The following RBM17 variants were observed in gnomAD, a reference collection of about 807,000 sequenced individuals.
RBM17 encodes the protein splicing factor 45.
In RBM17, 7 loss-of-function variants were observed where a neutral mutation model predicts 53.2. That is an observed-to-expected ratio of 0.13 (90% CI 0.07 to 0.25). RBM17 has a LOEUF of 0.25. Ranked by LOEUF, RBM17 falls within the 10% of genes least tolerant of loss-of-function variation. The pLI, the probability that RBM17 is intolerant of heterozygous loss-of-function variation, is 1.00. For missense variants in RBM17, 257 were observed against 496.7 expected, an observed-to-expected ratio of 0.52 and a Z score of 4.59; for synonymous variants, 167 against 178.1, an observed-to-expected ratio of 0.94 and a Z score of 0.50.
At chr10:6,113,446 TAA>T in intron 8 of RBM17, 60 bp from the exon 9 acceptor site, 1 of 1,118,342 alleles carries the variant, frequency 8.9e-7, no homozygotes, top group Non-Finnish European at 1.4e-6. Context: ...CTCAGTTCTG[TAA>T]CACATCTAAT....
In RBM17 at chr10:6,115,502, A is replaced by C; in HGVS notation, c.1152A>C (p.Ala384=). 6.2e-7 allele frequency: 1 copy of C among 1,614,090 alleles called. No homozygotes were observed. Among genetic ancestry groups the C allele is most frequent in the African/African-American group, 1.3e-5 (1 of 75,044 alleles). Residue 384 remains alanine (A), a synonymous_variant, in exon 12 of 12, where the codon GCA becomes GCC. Transcript: ENST00000379888. ...GRYFGGRVVK[A]CFYNLDKFRV... is the part of the protein sequence containing the mutation. Reference sequence around the variant, plus strand: ...ATTTTGGTGGACGGGTGGTAAAAGCATGTTTCTACAATTTGGACAAATTCA... The same window carrying C: ...ATTTTGGTGGACGGGTGGTAAAAGCCTGTTTCTACAATTTGGACAAATTCA...
chr10:6,112,145 A>T lies in RBM17; in HGVS notation c.705-65A>T. The T allele has an allele frequency of 6.4e-7, 1 of 1,560,272 alleles. No homozygotes were observed. Among genetic ancestry groups the T allele is most frequent in the Non-Finnish European group, 8.7e-7 (1 of 1,153,098 alleles). The stretch of plus-strand genomic sequence containing the variant: ...CCAGAAGGAGGTTGTTGTGATGGAA[A>T]AATGCAACCTATCTCCAGTTGACGA... On this transcript the variant is annotated intron_variant, in intron 7 of 11. Coordinates refer to ENST00000379888, the MANE Select transcript of RBM17 (RefSeq NM_032905.5). The surrounding 1 kb of genome is among the most constrained non-coding windows in gnomAD (Gnocchi z 4.4).
intron 5 of RBM17, among the ~76,000 whole-genome samples, chr10:6,107,866 T>G (rs973579347): frequency 6.6e-6 from 1 of 152,196 alleles, no homozygotes; most frequent in South Asian, 2.1e-4. Flanking sequence ...TTGTTTTTAT[T>G]TCATTGTTGA....
At chr10:6,107,059 T>C (rs1025390195) in intron 5 of RBM17, among the ~76,000 whole-genome samples, 2 of 152,222 alleles carry the variant, frequency 1.3e-5, no homozygotes, top group Non-Finnish European at 2.9e-5. Context: ...TCAAAGGAAA[T>C]AGAAGAAGGT....
Position 6,112,448 on chromosome 10 carries a change from G to A in RBM17, c.856+87G>A, listed in dbSNP as rs1473257869. ...GGCCAGTCTTGATCCTCATGTGTCA[G>A]CAGGGGGACAATGAGGCGTGTGGCC... is the stretch of plus-strand genomic sequence containing the variant. On this transcript the variant is annotated intron_variant, in intron 8 of 11. Coordinates refer to ENST00000379888, the MANE Select transcript of RBM17 (RefSeq NM_032905.5). This position sits in a 1 kb window ranked among gnomAD's most constrained non-coding sequence, Gnocchi z 4.4. The A allele has an allele frequency of 4.7e-6, 7 of 1,500,500 alleles. No individual in the cohort carries two copies. Among genetic ancestry groups the A allele is most frequent in the Non-Finnish European group, 5.5e-6 (6 of 1,089,286 alleles). The allele number at this position is 1,500,500 out of a possible 1,614,324, so 92.9% of individuals were successfully genotyped here.
Position 6,101,323 on chromosome 10 carries a change from G to C in RBM17, c.176G>C (p.Arg59Pro). 1 of 1,613,758 alleles carries C rather than the reference G, an allele frequency of 6.2e-7. No homozygotes were observed. Among genetic ancestry groups the C allele is most frequent in the Non-Finnish European group, 8.5e-7 (1 of 1,179,972 alleles). The change falls in exon 3 of 12, where the codon CGA becomes CCA. Residue 59 changes from arginine to proline, a missense_variant. Physicochemically the swap from Arg to Pro is moderately radical, Grantham distance 103. Coordinates refer to ENST00000379888, the MANE Select transcript of RBM17 (RefSeq NM_032905.5). Reference sequence around the variant, plus strand: ...CTCGCCCCAGTCATTGACCTGAAGCGAGGTGGCTCCTCAGATGACCGGCAA... The same window carrying C: ...CTCGCCCCAGTCATTGACCTGAAGCCAGGTGGCTCCTCAGATGACCGGCAA... ...TVLAPVIDLK[R>P]GGSSDDRQIV...
At chr10:6,103,440 A>G (rs964740553) in intron 3 of RBM17, among the ~76,000 whole-genome samples, 1 of 152,230 alleles carries the variant, frequency 6.6e-6, no homozygotes, top group Non-Finnish European at 1.5e-5. Flanking sequence ...GAACCTTCAT[A>G]TTGACAGTTT....
intron 1 of RBM17, among the ~76,000 whole-genome samples, chr10:6,096,440 G>A (rs370316080): frequency 6.6e-6 from 1 of 152,282 alleles, no homozygotes; most frequent in East Asian, 1.9e-4. Flanking sequence ...TCGTTCACAT[G>A]CAGATTGTTG....
At position 6,112,479 on chromosome 10, in the gene RBM17, G is replaced by T. The variant is rs1309454810; in HGVS notation, c.856+118G>T. 1.6e-6 allele frequency: 2 copies of T among 1,237,378 alleles called. No individual in the cohort carries two copies. Among genetic ancestry groups the T allele is most frequent in the Non-Finnish European group, 2.3e-6 (2 of 860,778 alleles). The allele number at this position is 1,237,378 out of a possible 1,614,324, so 76.6% of individuals were successfully genotyped here. On this transcript the variant is annotated intron_variant, in intron 8 of 11. Transcript: ENST00000379888. The surrounding 1 kb of genome is among the most constrained non-coding windows in gnomAD (Gnocchi z 4.4). ...GGACAATGAGGCGTGTGGCCAGAGG[G>T]AGAGGGCTGGCCCTGCCATCACTAG... is the stretch of plus-strand genomic sequence containing the variant.
intron 1 of RBM17, among the ~76,000 whole-genome samples, chr10:6,092,550 T>A (rs1377827701): frequency 1.3e-5 from 2 of 152,152 alleles, no homozygotes; most frequent in African/African-American, 4.8e-5. Flanking sequence ...TATGGTTGAG[T>A]GTGGTTTCTT....
intron 11 of RBM17, 66 bp from the exon 12 acceptor site, chr10:6,115,387 T>TTTAA: frequency 6.5e-7 from 1 of 1,536,188 alleles, no homozygotes; most frequent in Non-Finnish European, 9.0e-7. Context: ...AAAGTTACTG[T>TTTAA]TTAATTAAAG....
intron 3 of RBM17, among the ~76,000 whole-genome samples, chr10:6,104,266 G>A (rs1840713186): frequency 6.6e-6 from 1 of 152,142 alleles, no homozygotes; most frequent in African/African-American, 2.4e-5. Context: ...TCAAAGAGTA[G>A]ACCAAGTTTC....
intron 3 of RBM17, among the ~76,000 whole-genome samples, chr10:6,102,917 A>C (rs893212768): frequency 2.0e-5 from 3 of 152,100 alleles, no homozygotes; most frequent in African/African-American, 7.2e-5. Flanking sequence ...CTTCCACCTC[A>C]GTCTACTGAG....
intron 3 of RBM17, among the ~76,000 whole-genome samples, chr10:6,103,953 T>C (rs544824282): frequency 9.8e-5 from 15 of 152,324 alleles, no homozygotes; most frequent in Admixed American, 4.6e-4. Flanking sequence ...CCTTGTTGTT[T>C]TGCATGTGTG....
chr10:6,111,339 A>G (rs1379745638), intron 7 of RBM17, among the ~76,000 whole-genome samples: 8 of 152,122 alleles, frequency 5.3e-5, no homozygotes, highest in Non-Finnish European at 1.0e-4. Flanking sequence ...CAGCTGTACA[A>G]ATAATTTATT....
In RBM17 at chr10:6,100,591, GA is replaced by G. The variant is rs201359944; in HGVS notation, c.124-679del. 6.5e-3 allele frequency among the ~76,000 whole-genome samples: 983 copies of G among 152,324 alleles called. 10 individuals carry two copies. Among genetic ancestry groups the G allele is most frequent in the African/African-American group, 0.022 (899 of 41,564 alleles). On this transcript the variant is annotated intron_variant, in intron 2 of 11. Transcript: ENST00000379888. ...AGATGAAGATGATGGTGATGATGAT[GA>G]TGGGGAAGAGGGACTGTTCTTAATC... is the stretch of plus-strand genomic sequence containing the variant.
At chr10:6,105,714 T>C (rs561040964) in intron 4 of RBM17, among the ~76,000 whole-genome samples, 4 of 152,340 alleles carry the variant, frequency 2.6e-5, no homozygotes, top group Admixed American at 2.6e-4. Flanking sequence ...TAGGATGTAT[T>C]TGTAGTTCTT....
At chr10:6,097,362 C>T (rs1347436254) in intron 2 of RBM17, among the ~76,000 whole-genome samples, 174 bp downstream of exon 2, 1 of 152,182 alleles carries the variant, frequency 6.6e-6, no homozygotes, top group Non-Finnish European at 1.5e-5. Flanking sequence ...CTCCTGGCTC[C>T]TGGGAATAGG....
rs754791552 is a variant in RBM17, at chr10:6,097,078, G to A, written c.13G>A (p.Asp5Asn). The change falls in exon 2 of 12, where the codon GAT (aspartate) becomes AAT (asparagine). Residue 5 changes from aspartate to asparagine, a missense_variant. This residue lies in a region of RBM17 where 127 missense variants were observed against 217.2 expected (regional missense o/e 0.58). Coordinates refer to ENST00000379888, the MANE Select transcript of RBM17 (RefSeq NM_032905.5). ...AACTGAAGAAAAGATGTCCCTGTAC[G>A]ATGACCTAGGAGTGGAGACCAGTGA... Reference protein sequence around the residue: MSLYDDLGVETSDSK... With the variant: MSLYNDLGVETSDSK... 1.2e-6 allele frequency: 2 copies of A among 1,613,374 alleles called. No homozygotes were observed. The highest frequency in any genetic ancestry group is 1.7e-5 in the Admixed American group (1 of 60,012).
Sources: gnomAD v4.1 joint callset for allele counts (sites outside exome capture counted in the v4.1 genomes callset) on GRCh38, gnomAD v4.1.1 for gene constraint, gnomAD v4.1.1 regional missense constraint, Gnocchi (gnomAD v3.1) non-coding constraint, MANE v1.5 for transcripts, NCBI Gene and HGNC (gene_info 2026-07-23, HGNC 2026-07-21) for gene names.